The following XPOT variants were observed in gnomAD, a reference collection of about 807,000 sequenced individuals.
The protein encoded by XPOT is exportin for tRNA, also known as exportin-T.
A neutral mutation model predicts 128.2 loss-of-function variants in XPOT; 34 were observed. That is an observed-to-expected ratio of 0.27 (90% confidence interval 0.20 to 0.35). The LOEUF (loss-of-function observed/expected upper bound fraction) is 0.35. Ranked by LOEUF, XPOT falls within the 10% of genes least tolerant of loss-of-function variation. The pLI, the probability that XPOT is intolerant of heterozygous loss-of-function variation, is 1.00. For missense variants in XPOT, 838 were observed against 1,125.3 expected, an observed-to-expected ratio of 0.74 and a Z score of 3.65; for synonymous variants, 348 against 394.3, an observed-to-expected ratio of 0.88 and a Z score of 1.39.
At position 64,418,927 on chromosome 12, in the gene XPOT, G is replaced by C; in HGVS notation, c.322G>C (p.Val108Leu). The C allele has an allele frequency of 6.2e-7, 1 of 1,613,960 alleles. No individual in the cohort carries two copies. Among genetic ancestry groups the C allele is most frequent in the South Asian group, 1.1e-5 (1 of 91,078 alleles). The part of the protein sequence containing the change: ...KTFIRNKAAQ[V>L]FALLFVTEYL... ...CTTTATACGAAATAAAGCCGCCCAA[G>C]TCTTCGCCTTGCTTTTTGTTACAGA... Residue 108 changes from valine to leucine, a missense_variant, in exon 6 of 25, where the codon GTC becomes CTC. By Grantham distance (32) the Val-to-Leu change is conservative. Around this residue, in one of 3 missense-constraint regions of XPOT, gnomAD observed 761 missense variants for 988.3 expected, o/e 0.77. Coordinates refer to ENST00000332707, the MANE Select transcript of XPOT (RefSeq NM_007235.6).
At chr12:64,410,231 T>A in intron 2 of XPOT, 136 bp downstream of exon 2, 1 of 701,602 alleles carries the variant, frequency 1.4e-6, no homozygotes, top group Non-Finnish European at 2.4e-6. Flanking sequence ...GGTATTTGAA[T>A]ATATTTTGAA....
intron 8 of XPOT, 98 bp downstream of exon 8, chr12:64,420,619 G>GTTA (rs2040129746): frequency 1.1e-6 from 1 of 915,176 alleles, no homozygotes; most frequent in South Asian, 1.9e-5. Flanking sequence ...TCTTCTAAAT[G>GTTA]TTATAAACTC....
At chr12:64,433,263 T>A in intron 18 of XPOT, 151 bp from the exon 19 acceptor site, 1 of 754,466 alleles carries the variant, frequency 1.3e-6, no homozygotes. Flanking sequence ...GTTTAGGTTA[T>A]ATAGATTTTA....
At chr12:64,414,354 C>T (rs760915527) in intron 2 of XPOT, among the ~76,000 whole-genome samples, 74 of 152,156 alleles carry the variant, frequency 4.9e-4, no homozygotes, top group Non-Finnish European at 9.0e-4. Flanking sequence ...TCATATCATG[C>T]ACTTGTACTC....
chr12:64,433,384 A>T, intron 18 of XPOT, 30 bp from the exon 19 acceptor site: 1 of 1,497,442 alleles, frequency 6.7e-7, no homozygotes, highest in Non-Finnish European at 8.9e-7. Flanking sequence ...ATTGTTACTA[A>T]TTTCTGAAGT....
intron 23 of XPOT, among the ~76,000 whole-genome samples, chr12:64,439,669 G>GCAGAGTTCCA (rs1166159134): frequency 1.1e-4 from 17 of 152,078 alleles, no homozygotes; most frequent in South Asian, 2.1e-4. Context: ...CTGCTGAAGG[G>GCAGAGTTCCA]GACCACAGCA....
chr12:64,437,599 C>T (rs2040293350), intron 22 of XPOT, among the ~76,000 whole-genome samples: 1 of 152,080 alleles, frequency 6.6e-6, no homozygotes, highest in Non-Finnish European at 1.5e-5. Context: ...TAGATAAAAG[C>T]CTTGTGTTAC....
rs1341973201 is a variant in XPOT, at chr12:64,444,958, G to T, written c.2806-117G>T. On this transcript the variant is annotated intron_variant, in intron 23 of 24. Coordinates refer to ENST00000332707, the MANE Select transcript of XPOT (RefSeq NM_007235.6). Reference sequence around the variant, plus strand: ...ACTGTACTCCAGCCTAGATGACAGAGCAAGACCATCTCTTAAAAAAAAAAA... The same window carrying T: ...ACTGTACTCCAGCCTAGATGACAGATCAAGACCATCTCTTAAAAAAAAAAA... The T allele has an allele frequency of 1.3e-5, 9 of 679,116 alleles. No individual in the cohort carries two copies. The African/African-American group carries it at 1.8e-4, about 14-fold the overall frequency. The allele number at this position is 679,116 out of a possible 1,614,324, so 42.1% of individuals were successfully genotyped here.
At chr12:64,424,475 T>A in intron 11 of XPOT, 124 bp from the exon 12 acceptor site, 1 of 845,022 alleles carries the variant, frequency 1.2e-6, no homozygotes, top group African/African-American at 1.7e-5. Context: ...TATTATACTT[T>A]AAGTTTTGGG....
At chr12:64,417,360 A>G (rs542055004) in intron 4 of XPOT, among the ~76,000 whole-genome samples, 15 of 152,314 alleles carry the variant, frequency 9.8e-5, no homozygotes, top group African/African-American at 3.1e-4. Context: ...CCTAGGCAAC[A>G]TAGTGAGACC....
chr12:64,428,029 ATTTCCT>A lies in XPOT; in HGVS notation c.1668-18_1668-13del. 1 of 1,478,606 alleles carries A rather than the reference ATTTCCT, an allele frequency of 6.8e-7. No individual in the cohort carries two copies. The highest frequency in any genetic ancestry group is 9.4e-7 in the Non-Finnish European group (1 of 1,062,744). 91.6% of individuals were successfully genotyped at this position (1,478,606 alleles called of 1,614,324 possible). ...GTTTTGAGCACTGTTATTAATTGTG[ATTTCCT>A]TTTTCTGTTTTTCAGTAAGCAAATG... On this transcript the variant is annotated splice_polypyrimidine_tract_variant and intron_variant, in intron 15 of 24. Coordinates refer to ENST00000332707, the MANE Select transcript of XPOT (RefSeq NM_007235.6).
chr12:64,445,466 T>C (rs1383189670), intron 24 of XPOT, among the ~76,000 whole-genome samples: 1 of 152,216 alleles, frequency 6.6e-6, no homozygotes, highest in East Asian at 1.9e-4. Context: ...GCTTATATCC[T>C]ATTTTGAAAC....
At chr12:64,438,628 AT>A (rs1186531452) in intron 22 of XPOT, among the ~76,000 whole-genome samples, 20,608 of 140,518 alleles carry the variant, frequency 0.15, 1,503 homozygotes, top group African/African-American at 0.22. Flanking sequence ...AGATACATTG[AT>A]TTTTTTTTTT....
intron 23 of XPOT, among the ~76,000 whole-genome samples, chr12:64,444,534 A>T (rs1029167067): frequency 8.5e-5 from 13 of 152,218 alleles, no homozygotes; most frequent in Non-Finnish European, 1.8e-4. Flanking sequence ...ACATTATGCT[A>T]AATGAAATAA....
chr12:64,424,845 T>C, intron 12 of XPOT, 122 bp downstream of exon 12: 2 of 1,391,534 alleles, frequency 1.4e-6, no homozygotes, highest in Admixed American at 4.3e-5. Context: ...TATGTGTATC[T>C]CTGGAAACAA....
chr12:64,445,048 T>C (rs1286431740), intron 23 of XPOT, 27 bp from the exon 24 acceptor site: 1 of 1,585,466 alleles, frequency 6.3e-7, no homozygotes, highest in East Asian at 2.2e-5. Context: ...ATTTGTTCTT[T>C]TTCTCCCTCT....
intron 22 of XPOT, among the ~76,000 whole-genome samples, chr12:64,437,393 A>T (rs1254490339): frequency 6.6e-6 from 1 of 152,202 alleles, no homozygotes; most frequent in Non-Finnish European, 1.5e-5. Flanking sequence ...TATAGGAAAG[A>T]GGTGATATTT....
chr12:64,421,767 G>A (rs1257526609), intron 9 of XPOT, among the ~76,000 whole-genome samples: 2 of 151,818 alleles, frequency 1.3e-5, no homozygotes, highest in Non-Finnish European at 2.9e-5. Flanking sequence ...CATAAGCATG[G>A]TTTGTTATTT....
At position 64,447,314 on chromosome 12, in the gene XPOT, G is replaced by T. The variant is rs551977892; in HGVS notation, c.2863-791G>T. 4.6e-5 allele frequency among the ~76,000 whole-genome samples: 7 copies of T among 152,158 alleles called. No homozygotes were observed. The East Asian group carries it at 1.3e-3, about 29-fold the overall frequency. Reference sequence around the variant, plus strand: ...TCTGGTGCTCACCTGACCTGCCATGGATGGCAGCATGTAGTACTAGGCCAT... The same window carrying T: ...TCTGGTGCTCACCTGACCTGCCATGTATGGCAGCATGTAGTACTAGGCCAT... On this transcript the variant is annotated intron_variant, in intron 24 of 24. Transcript: ENST00000332707.
Sources: gnomAD v4.1 joint callset for allele counts (sites outside exome capture counted in the v4.1 genomes callset) on GRCh38, gnomAD v4.1.1 for gene constraint, gnomAD v4.1.1 regional missense constraint, MANE v1.5 for transcripts, NCBI Gene and HGNC (gene_info 2026-07-23, HGNC 2026-07-21) for gene names.